The following COL27A1 variants were observed in gnomAD, a reference collection of about 807,000 sequenced individuals.
COL27A1 encodes the protein collagen type XXVII alpha 1 chain, also known as collagen alpha-1(XXVII) chain.
In COL27A1, 106 loss-of-function variants were observed where a neutral mutation model predicts 251.3. The ratio of observed to expected loss-of-function variants is 0.42; its 90% CI spans 0.36 to 0.50. The LOEUF (loss-of-function observed/expected upper bound fraction) is 0.50. Ranked by LOEUF, COL27A1 falls within the 20% of genes least tolerant of loss-of-function variation. The pLI is 0.00. For synonymous variants in COL27A1, 1,000 were observed against 986.3 expected, an observed-to-expected ratio of 1.01 and a Z score of -0.26; for missense variants, 2,325 against 2,522.8, an observed-to-expected ratio of 0.92 and a Z score of 1.68.
intron 56 of COL27A1, 130 bp downstream of exon 56, chr9:114,302,238 T>C: frequency 1.3e-6 from 1 of 743,014 alleles, no homozygotes; most frequent in Non-Finnish European, 2.3e-6. Context: ...CATGTCCTTT[T>C]GTCACTTCAT....
intron 13 of COL27A1, among the ~76,000 whole-genome samples, chr9:114,220,601 T>C (rs1347666852): frequency 6.6e-6 from 1 of 152,200 alleles, no homozygotes; most frequent in Non-Finnish European, 1.5e-5. Context: ...GGACCTGGGT[T>C]TGAATTTTGT....
At chr9:114,246,082 C>G (rs569213312) in intron 24 of COL27A1, 172 bp downstream of exon 24, 2 of 563,524 alleles carry the variant, frequency 3.5e-6, no homozygotes, top group African/African-American at 2.0e-5. Context: ...ACCCTCAGAA[C>G]GGGGAAGTCT....
In COL27A1 at chr9:114,309,280, G is replaced by C. The variant is rs2131699350; in HGVS notation, c.5238G>C (p.Arg1746=). ...TATAGGTCGAGTTTGCCATCAGCCGGGTCCAGATGAATTTCCTGCACCTGC... is the reference window on the plus strand; with the variant it reads ...TATAGGTCGAGTTTGCCATCAGCCGCGTCCAGATGAATTTCCTGCACCTGC... ...TASKVEFAIS[R]VQMNFLHLLS... is the part of the protein sequence containing the mutation. The change falls in exon 60 of 61, where the codon CGG becomes CGC. Residue 1746 remains arginine (R), a synonymous_variant. Coordinates refer to ENST00000356083, the MANE Select transcript of COL27A1 (RefSeq NM_032888.4). 6.2e-7 allele frequency: 1 copy of C among 1,614,140 alleles called. No homozygotes were observed. Among genetic ancestry groups the C allele is most frequent in the Non-Finnish European group, 8.5e-7 (1 of 1,180,032 alleles).
Position 114,265,127 on chromosome 9 carries a change from C to A in COL27A1, c.3339+17C>A, listed in dbSNP as rs1588820597. 9 of 1,593,670 alleles carry A rather than the reference C, an allele frequency of 5.6e-6. No homozygotes were observed. Among genetic ancestry groups the A allele is most frequent in the Non-Finnish European group, 7.7e-6 (9 of 1,166,046 alleles). On this transcript the variant is annotated intron_variant, in intron 31 of 60. Coordinates refer to ENST00000356083, the MANE Select transcript of COL27A1 (RefSeq NM_032888.4). ...GGCTTTCCTGTAAGTAGCACCAGTT[C>A]TTGAAATTCTCTACATGGGGCTTTT...
intron 41 of COL27A1, among the ~76,000 whole-genome samples, chr9:114,285,466 G>A (rs1827404090): frequency 6.6e-6 from 1 of 152,076 alleles, no homozygotes; most frequent in Non-Finnish European, 1.5e-5. Flanking sequence ...TACCTTCGTC[G>A]CCTGAGTCCC....
Position 114,209,670 on chromosome 9 carries a change from C to A in COL27A1, c.2269-5C>A. Reference sequence around the variant, plus strand: ...CGCTCTGACCCCCTTTCTTCTCTTTCCTAGGGCTACATTGGGCTCCCAGGG... The same window carrying A: ...CGCTCTGACCCCCTTTCTTCTCTTTACTAGGGCTACATTGGGCTCCCAGGG... On this transcript the variant is annotated splice_region_variant and splice_polypyrimidine_tract_variant and intron_variant, in intron 10 of 60. Transcript: ENST00000356083. The A allele has an allele frequency of 6.2e-7, 1 of 1,614,156 alleles. No individual in the cohort carries two copies. The highest frequency in any genetic ancestry group is 8.5e-7 in the Non-Finnish European group (1 of 1,179,994).
chr9:114,279,580 G>A (rs1835779442), intron 37 of COL27A1, among the ~76,000 whole-genome samples: 2 of 152,144 alleles, frequency 1.3e-5, no homozygotes, highest in Admixed American at 1.3e-4. Flanking sequence ...GACTCATGCT[G>A]GTAGTCCCAG....
At chr9:114,208,000 A>G (rs572283646) in intron 10 of COL27A1, among the ~76,000 whole-genome samples, 1 of 152,304 alleles carries the variant, frequency 6.6e-6, no homozygotes, top group East Asian at 1.9e-4. Context: ...GGCAGTATGC[A>G]GAGTGGTTAG....
At position 114,271,412 on chromosome 9, in the gene COL27A1, C is replaced by T. The variant is rs145716088; in HGVS notation, c.3609+631C>T. 5.5e-3 allele frequency: 832 copies of T among 152,552 alleles called. 1 individual carries two copies. Among genetic ancestry groups the T allele is most frequent in the Non-Finnish European group, 8.4e-3 (573 of 68,264 alleles). 9.4% of individuals were successfully genotyped at this position (152,552 alleles called of 1,614,324 possible). ...CTGTACCATGCACCCATTCTAAAGG[C>T]GAAGAGGCTGAGGCTCAGAGGAAGG... On this transcript the variant is annotated intron_variant, in intron 36 of 60. Coordinates refer to ENST00000356083, the MANE Select transcript of COL27A1 (RefSeq NM_032888.4).
At chr9:114,171,230 G>A (rs563331039) in intron 3 of COL27A1, among the ~76,000 whole-genome samples, 36 of 152,312 alleles carry the variant, frequency 2.4e-4, no homozygotes, top group African/African-American at 8.4e-4. Context: ...TCATTGGGCA[G>A]GTGAGGAAAT....
Position 114,300,667 on chromosome 9 carries a change from CG to C in COL27A1, c.4686del (p.Pro1563HisfsTer4). The C allele has an allele frequency of 6.6e-7, 1 of 1,514,768 alleles. No individual in the cohort carries two copies. The highest frequency in any genetic ancestry group is 1.3e-5 in the South Asian group (1 of 76,050). 93.8% of individuals were successfully genotyped at this position (1,514,768 alleles called of 1,614,324 possible). On this transcript the variant is annotated frameshift_variant, in exon 51 of 61. Transcript: ENST00000356083. LOFTEE classifies it high-confidence loss of function. ...DIGFKGIQGP[R>X]GPPGLMGKEG... ...TGGCTTCAAAGGCATCCAGGGCCCT[CG>C]GGGGCCACCTGGCTTGATGGTGAGT...
chr9:114,290,985 C>T lies in COL27A1; in HGVS notation c.4476+68C>T. 8.1e-7 allele frequency: 1 copy of T among 1,235,470 alleles called. No individual in the cohort carries two copies. Among genetic ancestry groups the T allele is most frequent in the Non-Finnish European group, 1.1e-6 (1 of 882,068 alleles). 76.5% of individuals were successfully genotyped at this position (1,235,470 alleles called of 1,614,324 possible). A position where few individuals can be genotyped will look rare whatever the true frequency, so the allele number is the denominator to read the frequency against. Reference sequence around the variant, plus strand: ...TGCCTTGATGCAGACTCTAGTGGTTCCGACCCTTTGGGCACCCATGTCCCA... The same window carrying T: ...TGCCTTGATGCAGACTCTAGTGGTTTCGACCCTTTGGGCACCCATGTCCCA... On this transcript the variant is annotated intron_variant, in intron 48 of 60. Transcript: ENST00000356083. The surrounding 1 kb of genome is among the most constrained non-coding windows in gnomAD (Gnocchi z 4.6).
intron 3 of COL27A1, among the ~76,000 whole-genome samples, chr9:114,173,276 C>CT (rs373819659): frequency 3.5e-4 from 53 of 152,384 alleles, no homozygotes; most frequent in Middle Eastern, 3.4e-3. Context: ...CGTGCTTGCA[C>CT]TTTTTGCAAA....
chr9:114,219,820 C>A lies in COL27A1; in HGVS notation c.2397C>A (p.Gly799=). The A allele has an allele frequency of 6.2e-7, 1 of 1,611,150 alleles. No individual in the cohort carries two copies. The highest frequency in any genetic ancestry group is 8.5e-7 in the Non-Finnish European group (1 of 1,177,434). ...PGFPGVFGER[G]PPGLDGNPGE... ...TTCCTGGAGTCTTTGGGGAAAGAGG[C>A]CCTCCTGGACTGGATGGAAATCCTG... The change falls in exon 13 of 61, where the codon GGC becomes GGA. Residue 799 remains glycine (G), a synonymous_variant. Coordinates refer to ENST00000356083, the MANE Select transcript of COL27A1 (RefSeq NM_032888.4).
intron 2 of COL27A1, among the ~76,000 whole-genome samples, chr9:114,163,715 G>T (rs1459412822): frequency 6.6e-6 from 1 of 152,230 alleles, no homozygotes; most frequent in African/African-American, 2.4e-5. Context: ...CAGGGATTGG[G>T]CCCCTGGGAG....
chr9:114,159,121 G>C (rs1298018432), intron 1 of COL27A1, among the ~76,000 whole-genome samples: 2 of 152,224 alleles, frequency 1.3e-5, no homozygotes, highest in Non-Finnish European at 2.9e-5. Flanking sequence ...CAGGGAGAAT[G>C]AATGGAGGTT....
rs1213272876 is a variant in COL27A1, at chr9:114,290,970, C to G, written c.4476+53C>G. 1 of 1,371,858 alleles carries G rather than the reference C, an allele frequency of 7.3e-7. No individual in the cohort carries two copies. Among genetic ancestry groups the G allele is most frequent in the Admixed American group, 2.1e-5 (1 of 47,990 alleles). The allele number at this position is 1,371,858 out of a possible 1,614,324, so 85.0% of individuals were successfully genotyped here. On this transcript the variant is annotated intron_variant, in intron 48 of 60. Coordinates refer to ENST00000356083, the MANE Select transcript of COL27A1 (RefSeq NM_032888.4). This position sits in a 1 kb window ranked among gnomAD's most constrained non-coding sequence, Gnocchi z 4.6. Reference sequence around the variant, plus strand: ...ACCCTCTGCCCTTTCTGCCTTGATGCAGACTCTAGTGGTTCCGACCCTTTG... The same window carrying G: ...ACCCTCTGCCCTTTCTGCCTTGATGGAGACTCTAGTGGTTCCGACCCTTTG...
intron 27 of COL27A1, 144 bp from the exon 28 acceptor site, chr9:114,258,397 T>G: frequency 1.5e-6 from 1 of 684,922 alleles, no homozygotes; most frequent in Non-Finnish European, 2.5e-6. Context: ...TCCTTCCATG[T>G]GGAGGCTGCT....
intron 27 of COL27A1, among the ~76,000 whole-genome samples, chr9:114,253,319 G>GAAAGAAAGAA (rs1486815120): frequency 6.8e-6 from 1 of 148,014 alleles, no homozygotes; most frequent in African/African-American, 2.5e-5. Context: ...AAGAAAGAAA[G>GAAAGAAAGAA]AGAGAGGAAG....
Sources: gnomAD v4.1 joint callset for allele counts (sites outside exome capture counted in the v4.1 genomes callset) on GRCh38, gnomAD v4.1.1 for gene constraint, Gnocchi (gnomAD v3.1) non-coding constraint, MANE v1.5 for transcripts, NCBI Gene and HGNC (gene_info 2026-07-23, HGNC 2026-07-21) for gene names.